Variants in PRDM1 observed in about 807,000 individuals in gnomAD.
PRDM1 encodes PR domain zinc finger protein 1.
A neutral mutation model predicts 62.8 loss-of-function variants in PRDM1; 13 were observed. The ratio of observed to expected loss-of-function variants is 0.21; its 90% CI spans 0.13 to 0.33. The LOEUF (loss-of-function observed/expected upper bound fraction) is 0.33. PRDM1 is among the 10% of genes least tolerant of loss of function. The pLI, the probability that PRDM1 is intolerant of heterozygous loss-of-function variation, is 1.00. For missense variants in PRDM1, 895 were observed against 1,058.8 expected (o/e 0.85, Z 2.15); for synonymous variants, 396 against 417.6 (o/e 0.95, Z 0.63).
intron 1 of PRDM1, among the ~76,000 whole-genome samples, chr6:106,027,517 G>A (rs1213139110): frequency 6.6e-6 from 1 of 152,158 alleles, no homozygotes; most frequent in Non-Finnish European, 1.5e-5. Flanking sequence ...AAGCCCTAAT[G>A]GGAGGGCGGA....
intron 1 of PRDM1, among the ~76,000 whole-genome samples, chr6:106,041,235 G>T (rs1772989934): frequency 6.6e-6 from 1 of 151,932 alleles, no homozygotes; most frequent in Non-Finnish European, 1.5e-5. Flanking sequence ...TTCTTTGAGA[G>T]AATCTTCTTG....
chr6:106,008,570 C>T lies in PRDM1; in HGVS notation c.-67+14931C>T, dbSNP rs114513588. On this transcript the variant is annotated intron_variant, in intron 1 of 6. Transcript: ENST00000652320. The stretch of plus-strand genomic sequence containing the variant: ...CTGAATATTTACTAAGTGCCTGGTA[C>T]AGAGGATATAGACAAGATAAGTCAA... Among the ~76,000 whole-genome samples, 756 of 152,254 alleles carry T rather than the reference C, an allele frequency of 5.0e-3. 10 individuals carry two copies. Among genetic ancestry groups the T allele is most frequent in the African/African-American group, 0.017 (710 of 41,536 alleles).
chr6:106,106,862 C>T lies in PRDM1; in HGVS notation c.1903-49C>T. ...CCTCCCGTTGGCAACTCTTAATCTT[C>T]TGGCCTTCCTGTCTCCCTTCCCTGC... On this transcript the variant is annotated intron_variant, in intron 6 of 6. Coordinates refer to ENST00000369096, the MANE Select transcript of PRDM1 (RefSeq NM_001198.4). This position sits in a 1 kb window ranked among gnomAD's most constrained non-coding sequence, Gnocchi z 4.4. The T allele has an allele frequency of 6.5e-7, 1 of 1,541,498 alleles. No homozygotes were observed. Among genetic ancestry groups the T allele is most frequent in the Non-Finnish European group, 8.8e-7 (1 of 1,132,638 alleles).
intron 1 of PRDM1, among the ~76,000 whole-genome samples, chr6:106,074,393 T>G (rs1193034713): frequency 6.6e-6 from 1 of 152,234 alleles, no homozygotes. Context: ...GCATGTTGTA[T>G]AATAATTTTA....
rs1772323525 is a variant in PRDM1 at position 105,994,639 on chromosome 6, C to G, written c.-67+1000C>G. On this transcript the variant is annotated intron_variant, in intron 1 of 6. Transcript: ENST00000652320. The surrounding 1 kb of genome is among the most constrained non-coding windows in gnomAD (Gnocchi z 4.1). The stretch of plus-strand genomic sequence containing the variant: ...GGACTCTCGAGATAGGTTTAGAGCC[C>G]GTCCTTTTGTCTGGAGTGTCGCGGG... Among the ~76,000 whole-genome samples, 1 of 152,118 alleles carries G rather than the reference C, an allele frequency of 6.6e-6. No homozygotes were observed. The highest frequency in any genetic ancestry group is 1.5e-5 in the Non-Finnish European group (1 of 68,008).
chr6:106,096,939 T>C lies in PRDM1; in HGVS notation c.411+1205T>C, dbSNP rs564384941. On this transcript the variant is annotated intron_variant, in intron 3 of 6. Transcript: ENST00000369096. ...CTGCATGATAACAAAAATTGTGTTA[T>C]GCTTGCTTTAGCTGGTATTTTTGCC... is the stretch of plus-strand genomic sequence containing the variant. 1.3e-4 allele frequency among the ~76,000 whole-genome samples: 20 copies of C among 152,314 alleles called. No individual in the cohort carries two copies. The East Asian group carries it at 1.3e-3, about 10-fold the overall frequency.
At chr6:106,030,741 C>T (rs185869663) in intron 1 of PRDM1, among the ~76,000 whole-genome samples, 7 of 151,940 alleles carry the variant, frequency 4.6e-5, no homozygotes, top group African/African-American at 1.7e-4. Flanking sequence ...ATTTTTTTTG[C>T]CATGTGAATA....
chr6:106,061,528 C>T (rs558371564), intron 1 of PRDM1, among the ~76,000 whole-genome samples: 8 of 152,322 alleles, frequency 5.3e-5, no homozygotes, highest in Non-Finnish European at 8.8e-5. Flanking sequence ...CGTCCCATAG[C>T]TCATTGTTAT....
chr6:106,107,868 T>C lies in PRDM1; in HGVS notation c.*382T>C, dbSNP rs1774548882. 4.3e-6 allele frequency: 1 copy of C among 232,320 alleles called. No individual in the cohort carries two copies. Among genetic ancestry groups the C allele is most frequent in the South Asian group, 1.8e-4 (1 of 5,512 alleles). The allele number at this position is 232,320 out of a possible 1,614,324, so 14.4% of individuals were successfully genotyped here. A position where few individuals can be genotyped will look rare whatever the true frequency, so the allele number is the denominator to read the frequency against. On this transcript the variant is annotated 3_prime_UTR_variant, in exon 7 of 7. Transcript: ENST00000369096. Reference sequence around the variant, plus strand: ...CCTTCATAATTTATTATACAATTTATCATTCAGAAAGCAATAATTAAAAAA... The same window carrying C: ...CCTTCATAATTTATTATACAATTTACCATTCAGAAAGCAATAATTAAAAAA...
At chr6:106,005,753 A>G (rs73516750) in intron 1 of PRDM1, among the ~76,000 whole-genome samples, 3,809 of 152,304 alleles carry the variant, frequency 0.025, 174 homozygotes, top group African/African-American at 0.086. Context: ...AAGAAAAATT[A>G]TACTGTAGGA....
Position 106,108,274 on chromosome 6 carries a change from T to C in PRDM1, c.*788T>C, listed in dbSNP as rs1479569356. 1 of 233,612 alleles carries C rather than the reference T, an allele frequency of 4.3e-6. No individual in the cohort carries two copies. The highest frequency in any genetic ancestry group is 2.2e-5 in the African/African-American group (1 of 45,336). The allele number at this position is 233,612 out of a possible 1,614,324, so 14.5% of individuals were successfully genotyped here. A position where few individuals can be genotyped will look rare whatever the true frequency, so the allele number is the denominator to read the frequency against. On this transcript the variant is annotated 3_prime_UTR_variant, in exon 7 of 7. Coordinates refer to ENST00000369096, the MANE Select transcript of PRDM1 (RefSeq NM_001198.4). ...TTACCGGAAGGGTGACAGGAAGGCT[T>C]TACCAACCTGTCTCTCCCTCCAAAA... is the stretch of plus-strand genomic sequence containing the variant.
intron 1 of PRDM1, among the ~76,000 whole-genome samples, chr6:106,066,497 A>AT (rs1375081000): frequency 6.6e-6 from 1 of 152,164 alleles, no homozygotes; most frequent in African/African-American, 2.4e-5. Context: ...AGCAGGTTGG[A>AT]TTTTAGAATC....
At chr6:105,999,230 C>T (rs986468935) in intron 1 of PRDM1, among the ~76,000 whole-genome samples, 3 of 151,904 alleles carry the variant, frequency 2.0e-5, no homozygotes, top group East Asian at 1.9e-4. Context: ...TGAGCCACCA[C>T]GCCCAGCCCA....
In PRDM1 at chr6:106,107,377, G is replaced by C. The variant is rs777152627; in HGVS notation, c.2369G>C (p.Ser790Thr). 6.2e-7 allele frequency: 1 copy of C among 1,613,998 alleles called. No homozygotes were observed. The highest frequency in any genetic ancestry group is 8.5e-7 in the Non-Finnish European group (1 of 1,180,024). Reference protein sequence around the residue: ...MGNGLLSSGCSLYESSDLPLM... With the variant: ...MGNGLLSSGCTLYESSDLPLM... ...AATGGACTCCTCTCCTCAGGGTGCA[G>C]CCTTTATGAGTCATCAGATCTACCC... The change falls in exon 7 of 7, where the codon AGC (serine) becomes ACC (threonine). Residue 790 changes from serine to threonine, a missense_variant. Ser to Thr is a moderately conservative substitution (Grantham distance 58). Transcript: ENST00000369096.
chr6:106,059,377 T>C (rs1375589558), intron 1 of PRDM1, among the ~76,000 whole-genome samples: 1 of 152,030 alleles, frequency 6.6e-6, no homozygotes, highest in Admixed American at 6.5e-5. Context: ...TGGTAGAAAT[T>C]CAAAGGTGGG....
At chr6:106,019,385 T>A (rs139757077) in intron 1 of PRDM1, among the ~76,000 whole-genome samples, 1 of 151,324 alleles carries the variant, frequency 6.6e-6, no homozygotes, top group Admixed American at 6.6e-5. Flanking sequence ...GAAAATAACA[T>A]GAATGATTGA....
chr6:106,019,967 C>T (rs539618821), intron 1 of PRDM1, among the ~76,000 whole-genome samples: 14 of 150,954 alleles, frequency 9.3e-5, no homozygotes, highest in South Asian at 2.1e-4. Flanking sequence ...TGGTGGCTCA[C>T]GCCTATAATC....
intron 1 of PRDM1, among the ~76,000 whole-genome samples, chr6:106,056,853 A>ACTG (rs1187308844): frequency 1.2e-4 from 14 of 120,840 alleles, no homozygotes; most frequent in African/African-American, 4.5e-4. Context: ...AAGCTCTAGC[A>ACTG]CTGCTTGTGT....
chr6:106,021,265 G>A (rs560086517), intron 1 of PRDM1, among the ~76,000 whole-genome samples: 4 of 152,196 alleles, frequency 2.6e-5, no homozygotes, highest in African/African-American at 7.2e-5. Flanking sequence ...CTATGTTTGG[G>A]TGGTTTCCCT....
Sources: gnomAD v4.1 joint callset for allele counts (sites outside exome capture counted in the v4.1 genomes callset) on GRCh38, gnomAD v4.1.1 for gene constraint, Gnocchi (gnomAD v3.1) non-coding constraint, MANE v1.5 for transcripts, NCBI Gene and HGNC (gene_info 2026-07-23, HGNC 2026-07-21) for gene names.